Variants in VGLL2 observed in about 807,000 individuals in gnomAD.
The protein encoded by VGLL2 is vestigial like family member 2.
A neutral mutation model predicts 27.0 loss-of-function variants in VGLL2; 18 were observed. That is an observed-to-expected ratio of 0.67 (90% CI 0.46 to 0.99). The LOEUF is 0.99. Among genes scored for constraint, VGLL2 ranks in the 50% least tolerant of loss-of-function variants. The pLI is 0.00. For synonymous variants in VGLL2, 220 were observed against 201.1 expected (o/e 1.09, Z -0.80); for missense variants, 491 against 452.3 (o/e 1.09, Z -0.78).
Position 117,265,786 on chromosome 6 carries a change from A to G in VGLL2, c.23A>G (p.Tyr8Cys), listed in dbSNP as rs775229999. The G allele has an allele frequency of 1.2e-6, 2 of 1,614,108 alleles. No homozygotes were observed. Among genetic ancestry groups the G allele is most frequent in the Non-Finnish European group, 1.7e-6 (2 of 1,179,986 alleles). ...GTCATGAGCTGTCTGGATGTTATGT[A>G]CCAAGTCTATGGTCCTCCGCAGCCC... is the stretch of plus-strand genomic sequence containing the variant. MSCLDVM[Y>C]QVYGPPQPYF... Residue 8 changes from tyrosine (Y) to cysteine (C), a missense_variant, in exon 1 of 4, where the codon TAC becomes TGC. Physicochemically the swap from Tyr to Cys is radical, Grantham distance 194. Coordinates refer to ENST00000326274, the MANE Select transcript of VGLL2 (RefSeq NM_182645.3).
Position 117,270,691 on chromosome 6 carries a change from C to A in VGLL2, c.540C>A (p.Ala180=). The A allele has an allele frequency of 6.5e-7, 1 of 1,540,942 alleles. No individual in the cohort carries two copies. The highest frequency in any genetic ancestry group is 2.5e-5 in the East Asian group (1 of 40,144). The part of the protein sequence containing the change: ...PFAAADPYSP[A]ALHGHLHQGA... ...CCGCCGCCGACCCCTACTCGCCCGC[C>A]GCGCTGCATGGCCACCTGCACCAGG... is the stretch of plus-strand genomic sequence containing the variant. The change falls in exon 3 of 4, where the codon GCC becomes GCA. Residue 180 remains alanine, a synonymous_variant. Coordinates refer to ENST00000326274, the MANE Select transcript of VGLL2 (RefSeq NM_182645.3).
rs1460138903 is a variant in VGLL2 at position 117,268,238 on chromosome 6, C to T, written c.138C>T (p.Ser46=). The T allele has an allele frequency of 1.2e-6, 2 of 1,614,216 alleles. No individual in the cohort carries two copies. The highest frequency in any genetic ancestry group is 1.7e-5 in the Admixed American group (1 of 60,020). ...CGCAGGAGTGCAATGCCAGCCCCAG[C>T]AGCAGTGGCAGCGGCAGCTCCTCAT... ...QEAQECNASP[S]SSGSGSSSFS... The change falls in exon 2 of 4, where the codon AGC becomes AGT. Residue 46 remains serine (S), a synonymous_variant. Coordinates refer to ENST00000326274, the MANE Select transcript of VGLL2 (RefSeq NM_182645.3).
intron 2 of VGLL2, 122 bp from the exon 3 acceptor site, chr6:117,270,421 G>C (rs1773160102): frequency 1.5e-6 from 2 of 1,301,322 alleles, no homozygotes; most frequent in Admixed American, 3.0e-5. Flanking sequence ...TGGCTAGCCA[G>C]CCCTGTGCCC....
At position 117,270,832 on chromosome 6, in the gene VGLL2, G is replaced by A. The variant is rs1231085584; in HGVS notation, c.681G>A (p.Val227=). ...CCCCCTACCCGCGCCCCGCCGCCGT[G>A]CACGAAGTCTACGCGCCGCACTTCG... is the stretch of plus-strand genomic sequence containing the variant. ...QAAPYPRPAA[V]HEVYAPHFDP... is the part of the protein sequence containing the mutation. Residue 227 remains valine (V), a synonymous_variant, in exon 3 of 4, where the codon GTG becomes GTA. Coordinates refer to ENST00000326274, the MANE Select transcript of VGLL2 (RefSeq NM_182645.3). 7.0e-7 allele frequency: 1 copy of A among 1,429,854 alleles called. No homozygotes were observed. Among genetic ancestry groups the A allele is most frequent in the Non-Finnish European group, 9.1e-7 (1 of 1,093,620 alleles). The allele number at this position is 1,429,854 out of a possible 1,614,324, so 88.6% of individuals were successfully genotyped here.
Position 117,272,809 on chromosome 6 carries a change from C to G in VGLL2, c.*315C>G. The G allele has an allele frequency of 2.3e-6, 1 of 431,298 alleles. No individual in the cohort carries two copies. The highest frequency in any genetic ancestry group is 3.9e-5 in the South Asian group (1 of 25,784). The allele number at this position is 431,298 out of a possible 1,614,324, so 26.7% of individuals were successfully genotyped here. ...TTGGAACGGGGGAAAGAAAATGAAA[C>G]TTTTTGGTGTGAATATTTTTTATGC... is the stretch of plus-strand genomic sequence containing the variant. On this transcript the variant is annotated 3_prime_UTR_variant, in exon 4 of 4. Transcript: ENST00000326274.
At chr6:117,272,179 T>A in intron 3 of VGLL2, 1 of 351,794 alleles carries the variant, frequency 2.8e-6, no homozygotes, top group Non-Finnish European at 4.0e-6. Flanking sequence ...CTCCCTCCCT[T>A]TGTCTTCCTC....
Position 117,271,020 on chromosome 6 carries a change from C to T in VGLL2, c.869C>T (p.Pro290Leu). The change falls in exon 3 of 4, where the codon CCC becomes CTC. Residue 290 changes from proline (P) to leucine (L), a missense_variant. Transcript: ENST00000326274. Reference sequence around the variant, plus strand: ...GGGCCCGGGGGACCCTTCGCGAGCCCCTCGGGGGACGTGGCCCAGGGTCTG... The same window carrying T: ...GGGCCCGGGGGACCCTTCGCGAGCCTCTCGGGGGACGTGGCCCAGGGTCTG... ...WAGPGGPFAS[P>L]SGDVAQGLGL... 2 of 1,232,378 alleles carry T rather than the reference C, an allele frequency of 1.6e-6. No homozygotes were observed. The highest frequency in any genetic ancestry group is 1.0e-6 in the Non-Finnish European group (1 of 990,340). The allele number at this position is 1,232,378 out of a possible 1,614,324, so 76.3% of individuals were successfully genotyped here. A position where few individuals can be genotyped will look rare whatever the true frequency, so the allele number is the denominator to read the frequency against.
chr6:117,271,017 G>T lies in VGLL2; in HGVS notation c.866G>T (p.Ser289Ile), dbSNP rs758903323. 168 of 1,232,812 alleles carry T rather than the reference G, an allele frequency of 1.4e-4. No homozygotes were observed. The Middle Eastern group carries it at 2.8e-3, about 20-fold the overall frequency. The allele number at this position is 1,232,812 out of a possible 1,614,324, so 76.4% of individuals were successfully genotyped here. The change falls in exon 3 of 4, where the codon AGC becomes ATC. Residue 289 changes from serine to isoleucine, a missense_variant. By Grantham distance (142) the Ser-to-Ile change is moderately radical. Transcript: ENST00000326274. Reference protein sequence around the residue: ...AWAGPGGPFASPSGDVAQGLG... With the variant: ...AWAGPGGPFAIPSGDVAQGLG... The stretch of plus-strand genomic sequence containing the variant: ...GCCGGGCCCGGGGGACCCTTCGCGA[G>T]CCCCTCGGGGGACGTGGCCCAGGGT...
At chr6:117,270,385 CG>C (rs1302102737) in intron 2 of VGLL2, among the ~76,000 whole-genome samples, 157 bp from the exon 3 acceptor site, 1 of 152,014 alleles carries the variant, frequency 6.6e-6, no homozygotes, top group Non-Finnish European at 1.5e-5. Context: ...GCTGCAGAGG[CG>C]GGGGCTGCCC....
chr6:117,265,988 G>A, intron 1 of VGLL2, 144 bp downstream of exon 1: 1 of 734,448 alleles, frequency 1.4e-6, no homozygotes, highest in Non-Finnish European at 2.3e-6. Flanking sequence ...GGGATTGCCG[G>A]AGCCGCCCCC....
In VGLL2 at chr6:117,269,854, C is replaced by G. The variant is rs534893916; in HGVS notation, c.392-689C>G. 2.0e-5 allele frequency among the ~76,000 whole-genome samples: 3 copies of G among 152,124 alleles called. No homozygotes were observed. The South Asian group carries it at 6.2e-4, about 31-fold the overall frequency. The stretch of plus-strand genomic sequence containing the variant: ...ACTTAGGATAAAAGACCTGTCTATT[C>G]GTGTCCTTCTGTGCAAATAATAGAG... On this transcript the variant is annotated intron_variant, in intron 2 of 3. Transcript: ENST00000326274.
In VGLL2 at chr6:117,270,618, C is replaced by T. The variant is rs200640805; in HGVS notation, c.467C>T (p.Pro156Leu). The T allele has an allele frequency of 4.1e-5, 66 of 1,592,462 alleles. No individual in the cohort carries two copies. The highest frequency in any genetic ancestry group is 1.7e-4 in the Middle Eastern group (1 of 6,044). The change falls in exon 3 of 4, where the codon CCG becomes CTG. Residue 156 changes from proline (P) to leucine (L), a missense_variant. Transcript: ENST00000326274. The part of the protein sequence containing the change: ...WNSAYQAPVP[P>L]PLGSPLATAH... ...AGCGCGTACCAGGCGCCAGTGCCCC[C>T]GCCGCTGGGCAGCCCTCTGGCCACC...
In VGLL2 at chr6:117,270,613, G is replaced by A; in HGVS notation, c.462G>A (p.Val154=). ...SFWNSAYQAP[V]PPPLGSPLAT... Reference sequence around the variant, plus strand: ...GGAATAGCGCGTACCAGGCGCCAGTGCCCCCGCCGCTGGGCAGCCCTCTGG... The same window carrying A: ...GGAATAGCGCGTACCAGGCGCCAGTACCCCCGCCGCTGGGCAGCCCTCTGG... Residue 154 remains valine (V), a synonymous_variant, in exon 3 of 4, where the codon GTG becomes GTA. Transcript: ENST00000326274. 6.4e-7 allele frequency: 1 copy of A among 1,561,616 alleles called. No individual in the cohort carries two copies. The highest frequency in any genetic ancestry group is 8.6e-7 in the Non-Finnish European group (1 of 1,157,360).
chr6:117,270,724 GGAGCCC>G lies in VGLL2; in HGVS notation c.574_579del (p.Glu192_Pro193del). 1.3e-6 allele frequency: 2 copies of G among 1,525,968 alleles called. No homozygotes were observed. The highest frequency in any genetic ancestry group is 1.7e-6 in the Non-Finnish European group (2 of 1,146,288). 94.5% of individuals were successfully genotyped at this position (1,525,968 alleles called of 1,614,324 possible). On this transcript the variant is annotated inframe_deletion, in exon 3 of 4. Coordinates refer to ENST00000326274, the MANE Select transcript of VGLL2 (RefSeq NM_182645.3). ...ATGGCCACCTGCACCAGGGCGCCAC[GGAGCCC>G]TGGCACCACGCGCACCCGCACCACG...
intron 1 of VGLL2, 68 bp downstream of exon 1, chr6:117,265,912 C>T (rs970593387): frequency 1.8e-4 from 254 of 1,401,226 alleles, no homozygotes; most frequent in Non-Finnish European, 2.4e-4. Context: ...ATGGCCTGTA[C>T]GCCAAGGTCT....
chr6:117,268,138 T>C, intron 1 of VGLL2, 44 bp from the exon 2 acceptor site: 1 of 1,590,656 alleles, frequency 6.3e-7, no homozygotes, highest in Non-Finnish European at 8.6e-7. Context: ...GAATTTGCCA[T>C]CGCTTTTGAA....
chr6:117,267,086 ACTT>A lies in VGLL2; in HGVS notation c.82-1091_82-1089del, dbSNP rs533552744. ...CTTTTGGCTCCAGCTTCTGAAATGT[ACTT>A]CTTCCCAGGGTGGGACTATGGCAAG... is the stretch of plus-strand genomic sequence containing the variant. On this transcript the variant is annotated intron_variant, in intron 1 of 3. Transcript: ENST00000326274. Among the ~76,000 whole-genome samples, 6 of 152,232 alleles carry A rather than the reference ACTT, an allele frequency of 3.9e-5. No individual in the cohort carries two copies. In the South Asian group the frequency reaches 6.2e-4, roughly 16 times the overall value.
At chr6:117,266,736 C>T (rs190891760) in intron 1 of VGLL2, among the ~76,000 whole-genome samples, 53 of 152,282 alleles carry the variant, frequency 3.5e-4, no homozygotes, top group African/African-American at 1.2e-3. Flanking sequence ...GTAGGGGTCC[C>T]CTCCAGGTTG....
chr6:117,271,809 C>A (rs1475217353), intron 3 of VGLL2, among the ~76,000 whole-genome samples: 1 of 152,088 alleles, frequency 6.6e-6, no homozygotes, highest in African/African-American at 2.4e-5. Context: ...TAAAATAGAT[C>A]TCTTAAAAAT....
Sources: allele counts gnomAD v4.1 joint callset (sites outside exome capture counted in the v4.1 genomes callset), GRCh38; gene constraint gnomAD v4.1.1; transcripts MANE v1.5; gene names NCBI Gene and HGNC (gene_info 2026-07-23, HGNC 2026-07-21).